NFAT5: variants seen among roughly 807,000 people sequenced by gnomAD.
NFAT5 encodes the protein nuclear factor of activated T cells 5, also known as nuclear factor of activated T-cells 5.
Under a neutral mutation model 166.5 loss-of-function variants are expected in NFAT5, and 31 were observed. That is an observed-to-expected ratio of 0.19 (90% CI 0.14 to 0.25). The LOEUF is 0.25. Ranked by LOEUF, NFAT5 falls within the 10% of genes least tolerant of loss-of-function variation. The pLI, the probability that NFAT5 is intolerant of heterozygous loss-of-function variation, is 1.00. For synonymous variants in NFAT5, 612 were observed against 639.7 expected (o/e 0.96, Z 0.65); for missense variants, 1,449 against 1,821.8 (o/e 0.80, Z 3.72).
At chr16:69,694,359 A>G (rs1487045115) in intron 13 of NFAT5, 120 bp downstream of exon 13, 1 of 741,522 alleles carries the variant, frequency 1.3e-6, no homozygotes, top group Non-Finnish European at 2.2e-6. Flanking sequence ...GGTTCAGGTG[A>G]TTCTCCTGCC....
chr16:69,576,799 A>G (rs1379097795), intron 2 of NFAT5, among the ~76,000 whole-genome samples: 2 of 152,198 alleles, frequency 1.3e-5, no homozygotes, highest in Non-Finnish European at 2.9e-5. Context: ...CAGGAGGTCA[A>G]GAAATACCTC....
intron 2 of NFAT5, among the ~76,000 whole-genome samples, chr16:69,579,985 A>C (rs557188065): frequency 6.6e-6 from 1 of 152,278 alleles, no homozygotes; most frequent in African/African-American, 2.4e-5. Context: ...AGTGCTTCTT[A>C]AATAAGCAAA....
intron 2 of NFAT5, among the ~76,000 whole-genome samples, chr16:69,574,869 A>C (rs974167546): frequency 3.3e-5 from 5 of 151,778 alleles, no homozygotes; most frequent in African/African-American, 1.2e-4. Flanking sequence ...ATGGGGTTTC[A>C]CCATGTTGGC....
At chr16:69,620,125 C>A (rs1340957171) in intron 2 of NFAT5, among the ~76,000 whole-genome samples, 1 of 152,236 alleles carries the variant, frequency 6.6e-6, no homozygotes, top group Non-Finnish European at 1.5e-5. Flanking sequence ...TTTTCAATAT[C>A]TGAAAATGTT....
chr16:69,699,812 C>G lies in NFAT5; in HGVS notation c.*3461C>G, dbSNP rs1597586338. ...TCACATTAATGCTTGGAGCTTATCT[C>G]TTTCTCTCTCTCTCTCTCTCTCTCT... On this transcript the variant is annotated 3_prime_UTR_variant, in exon 15 of 15. Coordinates refer to ENST00000349945, the MANE Select transcript of NFAT5 (RefSeq NM_138713.4). 6.7e-6 allele frequency: 1 copy of G among 150,126 alleles called. No homozygotes were observed. 9.3% of individuals were successfully genotyped at this position (150,126 alleles called of 1,614,324 possible). A position where few individuals can be genotyped will look rare whatever the true frequency, so the allele number is the denominator to read the frequency against.
At chr16:69,652,800 A>C (rs1265247338) in intron 4 of NFAT5, among the ~76,000 whole-genome samples, 2 of 152,138 alleles carry the variant, frequency 1.3e-5, no homozygotes, top group Non-Finnish European at 2.9e-5. Context: ...TTAAAAAATA[A>C]CAGTAGTTAA....
At chr16:69,602,509 C>T (rs1407568861) in intron 2 of NFAT5, among the ~76,000 whole-genome samples, 2 of 151,804 alleles carry the variant, frequency 1.3e-5, no homozygotes, top group Non-Finnish European at 2.9e-5. Context: ...CTCAGGTGAT[C>T]CGCCACCTCA....
chr16:69,679,800 C>G (rs1254278961), intron 10 of NFAT5, among the ~76,000 whole-genome samples: 1 of 152,060 alleles, frequency 6.6e-6, no homozygotes, highest in African/African-American at 2.4e-5. Flanking sequence ...CTTAAAACAT[C>G]TAAGGAAATT....
chr16:69,622,709 C>T (rs1313743215), intron 2 of NFAT5, among the ~76,000 whole-genome samples: 1 of 151,818 alleles, frequency 6.6e-6, no homozygotes, highest in Non-Finnish European at 1.5e-5. Context: ...TAGTAACATG[C>T]TATTAGTGAT....
chr16:69,600,995 G>A (rs1264963616), intron 2 of NFAT5, among the ~76,000 whole-genome samples: 2 of 152,104 alleles, frequency 1.3e-5, no homozygotes, highest in African/African-American at 4.8e-5. Flanking sequence ...CTCAGGCTTC[G>A]TCTTTTCCTT....
chr16:69,568,718 C>A (rs1291229188), intron 2 of NFAT5, among the ~76,000 whole-genome samples, 170 bp downstream of exon 2: 3 of 151,976 alleles, frequency 2.0e-5, no homozygotes, highest in Non-Finnish European at 4.4e-5. Flanking sequence ...GGTTTTGTTG[C>A]TGCGTTTGAT....
chr16:69,681,432 A>T (rs1234955698), intron 10 of NFAT5, among the ~76,000 whole-genome samples: 1 of 152,230 alleles, frequency 6.6e-6, no homozygotes, highest in Non-Finnish European at 1.5e-5. Context: ...CTAAATTTGA[A>T]TTTAGAATTT....
At chr16:69,594,420 T>C (rs902139857) in intron 2 of NFAT5, among the ~76,000 whole-genome samples, 6 of 152,226 alleles carry the variant, frequency 3.9e-5, no homozygotes, top group Non-Finnish European at 5.9e-5. Flanking sequence ...GGGACCAGTG[T>C]TGTATATTAA....
rs375008893 is a variant in NFAT5 at position 69,699,814 on chromosome 16, T to TTC, written c.*3485_*3486dup. The TTC allele has an allele frequency of 0.068, 10,025 of 148,400 alleles. 342 individuals carry two copies. The highest frequency in any genetic ancestry group is 0.13 in the Middle Eastern group (37 of 288). The allele number at this position is 148,400 out of a possible 1,614,324, so 9.2% of individuals were successfully genotyped here. On this transcript the variant is annotated 3_prime_UTR_variant, in exon 15 of 15. Coordinates refer to ENST00000349945, the MANE Select transcript of NFAT5 (RefSeq NM_138713.4). ...ACATTAATGCTTGGAGCTTATCTCT[T>TTC]TCTCTCTCTCTCTCTCTCTCTCTGT...
intron 10 of NFAT5, among the ~76,000 whole-genome samples, chr16:69,684,111 T>C (rs2037183300): frequency 1.3e-5 from 2 of 151,106 alleles, no homozygotes; most frequent in Non-Finnish European, 3.0e-5. Flanking sequence ...AATAAATAAA[T>C]AGCCTGGCAT....
Position 69,693,632 on chromosome 16 carries a change from GCAGCAGCAGCAACAGCAGCAGCAA to G in NFAT5, c.3822_3845del (p.Gln1277_Gln1284del), listed in dbSNP as rs747731827. On this transcript the variant is annotated inframe_deletion, in exon 13 of 15. Coordinates refer to ENST00000349945, the MANE Select transcript of NFAT5 (RefSeq NM_138713.4). ...GTAACTCTCCATCCCAGGAACAGCA[GCAGCAGCAGCAACAGCAGCAGCAA>G]CAGCAGCAGCAACAACAACAGAGCA... 6.8e-6 allele frequency: 11 copies of G among 1,614,048 alleles called. No homozygotes were observed. Among genetic ancestry groups the G allele is most frequent in the East Asian group, 2.2e-5 (1 of 44,892 alleles).
intron 10 of NFAT5, among the ~76,000 whole-genome samples, chr16:69,680,841 C>T (rs1001610402): frequency 6.6e-6 from 1 of 152,068 alleles, no homozygotes; most frequent in East Asian, 1.9e-4. Flanking sequence ...CTCACTGCAA[C>T]CTCCACCTCC....
intron 2 of NFAT5, among the ~76,000 whole-genome samples, chr16:69,608,757 G>A (rs550147061): frequency 4.2e-4 from 63 of 151,194 alleles, no homozygotes; most frequent in African/African-American, 1.5e-3. Context: ...TGGGACTACA[G>A]GTGCCTGCCA....
Position 69,703,718 on chromosome 16 carries a change from G to A in NFAT5, c.*7367G>A, listed in dbSNP as rs930050691. ...GGCAAATACATAGGCAAACTGTTGG[G>A]AGCTGCTCTAGTTACATTCCTCCCT... On this transcript the variant is annotated 3_prime_UTR_variant, in exon 15 of 15. Transcript: ENST00000349945. 3.3e-5 allele frequency: 5 copies of A among 152,688 alleles called. No homozygotes were observed. The highest frequency in any genetic ancestry group is 1.2e-4 in the African/African-American group (5 of 41,560). 9.5% of individuals were successfully genotyped at this position (152,688 alleles called of 1,614,324 possible). A position where few individuals can be genotyped will look rare whatever the true frequency, so the allele number is the denominator to read the frequency against.
Sources: gnomAD v4.1 joint callset for allele counts (sites outside exome capture counted in the v4.1 genomes callset) on GRCh38, gnomAD v4.1.1 for gene constraint, MANE v1.5 for transcripts, NCBI Gene and HGNC (gene_info 2026-07-23, HGNC 2026-07-21) for gene names.